MCOLN2: variants seen among roughly 807,000 people sequenced by gnomAD.
MCOLN2 encodes the protein mucolipin TRP cation channel 2.
A neutral mutation model predicts 67.5 loss-of-function variants in MCOLN2; 57 were observed. That is an observed-to-expected ratio of 0.84 (90% CI 0.68 to 1.05). MCOLN2 has a LOEUF of 1.05. Ranked by LOEUF, MCOLN2 falls within the 50% of genes least tolerant of loss-of-function variation. MCOLN2 has a pLI of 0.00. For synonymous variants in MCOLN2, 246 were observed against 233.3 expected (o/e 1.05, Z -0.50); for missense variants, 620 against 678.8 (o/e 0.91, Z 0.96).
chr1:84,987,624 ATATG>A (rs1469383122), intron 1 of MCOLN2, among the ~76,000 whole-genome samples: 24 of 138,176 alleles, frequency 1.7e-4, no homozygotes, highest in Non-Finnish European at 1.9e-4. Flanking sequence ...CTATATATAC[ATATG>A]TATATATGTA....
At chr1:84,982,851 T>G (rs1650326699) in intron 1 of MCOLN2, among the ~76,000 whole-genome samples, 1 of 152,072 alleles carries the variant, frequency 6.6e-6, no homozygotes, top group Non-Finnish European at 1.5e-5. Flanking sequence ...TACAGGCACC[T>G]GCTACCATGC....
rs566394210 is a variant in MCOLN2 at position 84,976,815 on chromosome 1, C to T, written c.78-11107G>A. ...CAAAAGCTGAGGGATTTCATCAACACCAGACCTGTCCTACAAAAAATGCTG... is the reference window on the plus strand; with the variant it reads ...CAAAAGCTGAGGGATTTCATCAACATCAGACCTGTCCTACAAAAAATGCTG... On this transcript the variant is annotated intron_variant, in intron 1 of 13. Coordinates refer to ENST00000370608, the MANE Select transcript of MCOLN2 (RefSeq NM_153259.4). Among the ~76,000 whole-genome samples, 13 of 152,208 alleles carry T rather than the reference C, an allele frequency of 8.5e-5. No individual in the cohort carries two copies. In the South Asian group the frequency reaches 2.5e-3, roughly 29 times the overall value.
At chr1:84,927,204 TA>T (rs5775807) in intron 13 of MCOLN2, among the ~76,000 whole-genome samples, 60,180 of 138,156 alleles carry the variant, frequency 0.44, 12,997 homozygotes, top group East Asian at 0.68. Context: ...AAAGTAAAAT[TA>T]AAAAAAAAAA....
intron 2 of MCOLN2, among the ~76,000 whole-genome samples, chr1:84,961,671 GT>G (rs900454713): frequency 1.2e-4 from 18 of 151,880 alleles, no homozygotes; most frequent in Non-Finnish European, 7.4e-5. Context: ...AAATGACTGG[GT>G]TTTTTTTAAA....
At chr1:84,954,580 C>A (rs1192497757) in intron 4 of MCOLN2, among the ~76,000 whole-genome samples, 2 of 152,196 alleles carry the variant, frequency 1.3e-5, no homozygotes, top group African/African-American at 2.4e-5. Context: ...GGCCAAGAAA[C>A]TTCCTCAAGG....
At chr1:84,986,572 A>G (rs956776091) in intron 1 of MCOLN2, among the ~76,000 whole-genome samples, 4 of 148,710 alleles carry the variant, frequency 2.7e-5, no homozygotes, top group East Asian at 2.0e-4. Context: ...GCTTCTGCAC[A>G]GCAAAAGAAA....
chr1:84,945,737 A>G (rs1028571630), intron 7 of MCOLN2, among the ~76,000 whole-genome samples: 7 of 151,916 alleles, frequency 4.6e-5, no homozygotes, highest in African/African-American at 1.7e-4. Context: ...ATTTTATTTT[A>G]ATTTTTTTAT....
At chr1:84,943,345 A>T (rs932029515) in intron 7 of MCOLN2, among the ~76,000 whole-genome samples, 16 of 152,286 alleles carry the variant, frequency 1.1e-4, no homozygotes, top group Admixed American at 9.2e-4. Context: ...AAGACTATTC[A>T]GTGGCAGTTA....
chr1:84,938,114 G>T, intron 9 of MCOLN2, 32 bp from the exon 10 acceptor site: 1 of 1,512,032 alleles, frequency 6.6e-7, no homozygotes, highest in Non-Finnish European at 9.1e-7. Flanking sequence ...AGAGAGAAAT[G>T]AGTAAAATAT....
intron 1 of MCOLN2, among the ~76,000 whole-genome samples, chr1:84,977,682 G>A (rs963523492): frequency 1.2e-4 from 19 of 152,248 alleles, no homozygotes; most frequent in African/African-American, 4.3e-4. Context: ...AATTCAGCAA[G>A]AGGATATAAG....
intron 2 of MCOLN2, among the ~76,000 whole-genome samples, chr1:84,959,588 C>G (rs183226916): frequency 3.3e-5 from 5 of 152,124 alleles, no homozygotes; most frequent in Admixed American, 2.0e-4. Context: ...CTCTCACGTG[C>G]GTCCTCTCTG....
intron 11 of MCOLN2, among the ~76,000 whole-genome samples, chr1:84,935,092 C>G (rs979272761): frequency 4.6e-4 from 70 of 152,168 alleles, no homozygotes; most frequent in Non-Finnish European, 1.5e-4. Flanking sequence ...TTCAGGTAAC[C>G]TGAAAGTCCT....
intron 3 of MCOLN2, among the ~76,000 whole-genome samples, chr1:84,956,819 A>G (rs1648821786): frequency 6.6e-6 from 1 of 152,160 alleles, no homozygotes; most frequent in South Asian, 2.1e-4. Context: ...ACTCAGCCAA[A>G]GCCAAGGTCC....
At chr1:84,969,114 C>T (rs543891577) in intron 1 of MCOLN2, among the ~76,000 whole-genome samples, 2 of 152,332 alleles carry the variant, frequency 1.3e-5, no homozygotes, top group South Asian at 4.1e-4. Flanking sequence ...CTCTACACTC[C>T]TTCCCCATAG....
chr1:84,959,697 GC>G (rs1348275077), intron 2 of MCOLN2, among the ~76,000 whole-genome samples: 1 of 152,078 alleles, frequency 6.6e-6, no homozygotes, highest in Non-Finnish European at 1.5e-5. Flanking sequence ...TTCTTCAGCT[GC>G]CTTATAAAAC....
At chr1:84,928,674 T>A (rs1032162005) in intron 13 of MCOLN2, among the ~76,000 whole-genome samples, 1 of 152,098 alleles carries the variant, frequency 6.6e-6, no homozygotes, top group Non-Finnish European at 1.5e-5. Flanking sequence ...AATTTAATGC[T>A]CTGAGAAAAA....
chr1:84,938,180 A>C, intron 9 of MCOLN2, 98 bp from the exon 10 acceptor site: 1 of 747,384 alleles, frequency 1.3e-6, no homozygotes. Flanking sequence ...AAAAAGAACT[A>C]TCTGCCTCCC....
chr1:84,956,482 T>C lies in MCOLN2; in HGVS notation c.514A>G (p.Thr172Ala). 1 of 1,611,732 alleles carries C rather than the reference T, an allele frequency of 6.2e-7. No homozygotes were observed. The change falls in exon 4 of 14, where the codon ACC (threonine) becomes GCC (alanine). Residue 172 changes from threonine (T) to alanine (A), a missense_variant. Transcript: ENST00000370608. ...AGTGTCTCATTAGAAGGAAACATGG[T>C]CCCTTTCTTGTAATGCTGCTTACAG... ...KVCKQHYKKG[T>A]MFPSNETLNI...
intron 4 of MCOLN2, 29 bp from the exon 5 acceptor site, chr1:84,952,559 T>C (rs777469740): frequency 1.4e-6 from 2 of 1,467,066 alleles, no homozygotes; most frequent in Non-Finnish European, 9.6e-7. Context: ...AAGAAATGGT[T>C]GTTTCAGGCA....
Sources: allele counts gnomAD v4.1 joint callset (sites outside exome capture counted in the v4.1 genomes callset), GRCh38; gene constraint gnomAD v4.1.1; transcripts MANE v1.5; gene names NCBI Gene and HGNC (gene_info 2026-07-23, HGNC 2026-07-21).